The following PATL1 variants were observed in gnomAD, a reference collection of about 807,000 sequenced individuals.
PATL1 encodes the protein PAT1 homolog 1, processing body mRNA decay factor, also known as protein PAT1 homolog 1.
In PATL1, 32 loss-of-function variants were observed where a neutral mutation model predicts 100.6. That is an observed-to-expected ratio of 0.32 (90% CI 0.24 to 0.43). PATL1 has a LOEUF of 0.43. Among genes scored for constraint, PATL1 ranks in the 20% least tolerant of loss-of-function variants. The probability of loss-of-function intolerance (pLI) is 1.00; values close to 1 mark genes in which losing one functional copy is unlikely to be tolerated. For missense variants in PATL1, 747 were observed against 949.9 expected, an observed-to-expected ratio of 0.79 and a Z score of 2.81; for synonymous variants, 332 against 330.0, an observed-to-expected ratio of 1.01 and a Z score of -0.07.
chr11:59,638,490 C>T (rs1162701815), intron 18 of PATL1, 79 bp from the exon 19 acceptor site: 2 of 1,261,240 alleles, frequency 1.6e-6, no homozygotes, highest in Non-Finnish European at 2.3e-6. Context: ...ACAGTTACAT[C>T]TTTGTAAGAC....
intron 11 of PATL1, among the ~76,000 whole-genome samples, chr11:59,651,848 T>C (rs1348079721): frequency 6.6e-6 from 1 of 151,732 alleles, no homozygotes. Flanking sequence ...GTAGATCACT[T>C]GAGGCCAGGA....
At chr11:59,657,452 C>T in intron 5 of PATL1, 78 bp downstream of exon 5, 5 of 1,324,666 alleles carry the variant, frequency 3.8e-6, no homozygotes, top group Non-Finnish European at 5.0e-6. Context: ...CCACCCTCCA[C>T]CCAACATCAC....
In PATL1 at chr11:59,637,914, GGTGT is replaced by G. The variant is rs370842131; in HGVS notation, c.*472_*475del. On this transcript the variant is annotated 3_prime_UTR_variant, in exon 19 of 19. Coordinates refer to ENST00000300146, the MANE Select transcript of PATL1 (RefSeq NM_152716.3). ...GAAGACCACATAAATACATGTATGG[GGTGT>G]GTGTGTGTGTATCTATGTGTGTGTG... 5.5e-4 allele frequency: 88 copies of G among 160,788 alleles called. No individual in the cohort carries two copies. Among genetic ancestry groups the G allele is most frequent in the African/African-American group, 2.0e-3 (83 of 41,606 alleles). 10.0% of individuals were successfully genotyped at this position (160,788 alleles called of 1,614,324 possible). A position where few individuals can be genotyped will look rare whatever the true frequency, so the allele number is the denominator to read the frequency against.
In PATL1 at chr11:59,652,610, G is replaced by A. The variant is rs116232383; in HGVS notation, c.1303-23C>T. On this transcript the variant is annotated intron_variant, in intron 10 of 18. Coordinates refer to ENST00000300146, the MANE Select transcript of PATL1 (RefSeq NM_152716.3). ...ATTCTACCACGAGAAGATGATTTCA[G>A]TTGTAACACAAGCACAGAACACGAC... 1.2e-3 allele frequency: 1,909 copies of A among 1,611,878 alleles called. 21 individuals carry two copies. The African/African-American group carries it at 0.023, about 19-fold the overall frequency.
At chr11:59,667,808 A>G (rs1368224645) in intron 1 of PATL1, among the ~76,000 whole-genome samples, 2 of 152,206 alleles carry the variant, frequency 1.3e-5, no homozygotes, top group Non-Finnish European at 2.9e-5. Flanking sequence ...CTTTACTTCA[A>G]TCTTACTCAA....
rs1279974029 is a variant in PATL1, at chr11:59,652,534, A to T, written c.1356T>A (p.Asp452Glu). The change falls in exon 11 of 19, where the codon GAT becomes GAA. Residue 452 changes from aspartate (D) to glutamate (E), a missense_variant. This residue lies in a region of PATL1 where 434 missense variants were observed against 596.1 expected (regional missense o/e 0.73). Transcript: ENST00000300146. ...KLSAAEEIQG[D>E]GPKKERTKLI... The stretch of plus-strand genomic sequence containing the variant: ...GCTTGGTGCGCTCCTTCTTAGGGCC[A>T]TCACCTTGTATTTCTTCAGCAGCTG... 1.9e-6 allele frequency: 3 copies of T among 1,613,856 alleles called. No individual in the cohort carries two copies. The Admixed American group carries it at 5.0e-5, about 27-fold the overall frequency.
chr11:59,642,691 A>T, intron 16 of PATL1, 189 bp downstream of exon 16: 1 of 580,116 alleles, frequency 1.7e-6, no homozygotes, highest in Non-Finnish European at 2.9e-6. Context: ...TTTATTTCAC[A>T]CTAGACACAT....
intron 3 of PATL1, 54 bp downstream of exon 3, chr11:59,659,198 C>T (rs1005101539): frequency 1.4e-6 from 2 of 1,457,794 alleles, no homozygotes; most frequent in East Asian, 2.5e-5. Flanking sequence ...AAGTTCAATA[C>T]TTCACTTTAA....
chr11:59,659,641 C>G (rs1400325560), intron 2 of PATL1, among the ~76,000 whole-genome samples, 172 bp from the exon 3 acceptor site: 1 of 151,976 alleles, frequency 6.6e-6, no homozygotes, highest in Non-Finnish European at 1.5e-5. Flanking sequence ...AAGCAATTCT[C>G]TGCGTCAGCC....
rs377171631 is a variant in PATL1, at chr11:59,656,001, A to T, written c.768T>A (p.Pro256=). Residue 256 remains proline, a synonymous_variant, in exon 7 of 19, where the codon CCT becomes CCA. Coordinates refer to ENST00000300146, the MANE Select transcript of PATL1 (RefSeq NM_152716.3). ...LGHPFPPSVP[P]VLSPLQRAQL... ...GTGCTCTCTGGAGGGGGCTGAGAAC[A>T]GGAGGAACACTAGGAGGAAAAGGGT... 245 of 1,590,264 alleles carry T rather than the reference A, an allele frequency of 1.5e-4. No homozygotes were observed. Among genetic ancestry groups the T allele is most frequent in the Non-Finnish European group, 2.1e-4 (241 of 1,171,878 alleles).
At chr11:59,655,784 C>G (rs1861521379) in intron 7 of PATL1, 44 bp from the exon 8 acceptor site, 2 of 1,498,876 alleles carry the variant, frequency 1.3e-6, no homozygotes, top group East Asian at 2.4e-5. Context: ...ATCAGCAAGT[C>G]CCCTTGCTTT....
In PATL1 at chr11:59,647,861, T is replaced by G. The variant is rs1861385425; in HGVS notation, c.1786A>C (p.Met596Leu). Residue 596 changes from methionine (M) to leucine (L), a missense_variant, in exon 15 of 19, where the codon ATG (methionine) becomes CTG (leucine). Coordinates refer to ENST00000300146, the MANE Select transcript of PATL1 (RefSeq NM_152716.3). ...AGGAAAGGAAGAATACGGGCAACCATTCTCTTCCCTTTTCGGATACACATG... is the reference window on the plus strand; with the variant it reads ...AGGAAAGGAAGAATACGGGCAACCAGTCTCTTCCCTTTTCGGATACACATG... ...QIMCIRKGKR[M>L]VARILPFLST... The G allele has an allele frequency of 6.2e-7, 1 of 1,613,850 alleles. No individual in the cohort carries two copies. The highest frequency in any genetic ancestry group is 1.7e-5 in the Admixed American group (1 of 60,006).
chr11:59,659,169 T>C (rs1861592248), intron 3 of PATL1, 83 bp downstream of exon 3: 3 of 1,197,110 alleles, frequency 2.5e-6, no homozygotes, highest in Admixed American at 4.5e-5. Context: ...CTCATTATAA[T>C]AGATAAAATA....
intron 1 of PATL1, among the ~76,000 whole-genome samples, chr11:59,667,780 G>A (rs929627129): frequency 6.6e-6 from 1 of 152,204 alleles, no homozygotes; most frequent in African/African-American, 2.4e-5. Context: ...CACATCCTAG[G>A]TGTGTTCTAT....
intron 2 of PATL1, among the ~76,000 whole-genome samples, chr11:59,664,132 T>C (rs954402006): frequency 1.3e-5 from 2 of 152,196 alleles, no homozygotes; most frequent in African/African-American, 4.8e-5. Context: ...AGGTACAAAG[T>C]GGGCTAATCA....
rs1861552438 is a variant in PATL1 at position 59,657,512 on chromosome 11, C to A, written c.621+18G>T. The A allele has an allele frequency of 6.4e-7, 1 of 1,561,854 alleles. No individual in the cohort carries two copies. The highest frequency in any genetic ancestry group is 8.7e-7 in the Non-Finnish European group (1 of 1,145,866). Reference sequence around the variant, plus strand: ...GATTCCCAATATCCTGGGCTGTGTGCTTGTTAATGAGAGGTACCTGTTGGG... The same window carrying A: ...GATTCCCAATATCCTGGGCTGTGTGATTGTTAATGAGAGGTACCTGTTGGG... On this transcript the variant is annotated intron_variant, in intron 5 of 18. Transcript: ENST00000300146.
At chr11:59,639,572 T>C (rs1398892711) in intron 16 of PATL1, 189 bp from the exon 17 acceptor site, 1 of 558,316 alleles carries the variant, frequency 1.8e-6, no homozygotes, top group East Asian at 3.1e-5. Flanking sequence ...CTCCAGGCTT[T>C]ATTCTGCCAT....
In PATL1 at chr11:59,650,637, T is replaced by G. The variant is rs996144872; in HGVS notation, c.1584+117A>C. ...ACAATAGTCACTTACCAGCAATATATTCATGAATTAAAACCAAAGAACATT... is the reference window on the plus strand; with the variant it reads ...ACAATAGTCACTTACCAGCAATATAGTCATGAATTAAAACCAAAGAACATT... On this transcript the variant is annotated intron_variant, in intron 13 of 18. Coordinates refer to ENST00000300146, the MANE Select transcript of PATL1 (RefSeq NM_152716.3). The G allele has an allele frequency of 5.8e-6, 4 of 690,384 alleles. No individual in the cohort carries two copies. The African/African-American group carries it at 7.3e-5, about 13-fold the overall frequency. 42.8% of individuals were successfully genotyped at this position (690,384 alleles called of 1,614,324 possible). A position where few individuals can be genotyped will look rare whatever the true frequency, so the allele number is the denominator to read the frequency against.
chr11:59,639,274 G>GA lies in PATL1; in HGVS notation c.2141+17dup, dbSNP rs1565129329. The stretch of plus-strand genomic sequence containing the variant: ...CCTCAAAGAACTTAAAATAAGAGAA[G>GA]AAACAGTCCACACTGACCACTGATT... On this transcript the variant is annotated intron_variant, in intron 17 of 18. Transcript: ENST00000300146. The GA allele has an allele frequency of 6.4e-6, 10 of 1,560,974 alleles. No homozygotes were observed. Among genetic ancestry groups the GA allele is most frequent in the Non-Finnish European group, 8.7e-6 (10 of 1,152,250 alleles).
Sources: allele counts gnomAD v4.1 joint callset (sites outside exome capture counted in the v4.1 genomes callset), GRCh38; gene constraint gnomAD v4.1.1; regional missense constraint gnomAD v4.1.1; transcripts MANE v1.5; gene names NCBI Gene and HGNC (gene_info 2026-07-23, HGNC 2026-07-21).